Variants in MGAM2 observed in about 807,000 individuals in gnomAD.
MGAM2 encodes maltase-glucoamylase 2 (putative), also known as probable maltase-glucoamylase 2.
A neutral mutation model predicts 96.1 loss-of-function variants in MGAM2; 98 were observed. The observed-to-expected ratio is 1.02, with a 90% CI of 0.87 to 1.21. The LOEUF (loss-of-function observed/expected upper bound fraction) is 1.21, where lower values mean the gene tolerates loss of function less well. Ranked by LOEUF, MGAM2 falls within the 50% of genes most tolerant of loss-of-function variation. The pLI is 0.00. For missense variants in MGAM2, 2,055 were observed against 1,182.4 expected (o/e 1.74, Z -10.82); for synonymous variants, 749 against 414.8 (o/e 1.81, Z -9.79).
At position 142,172,165 on chromosome 7, in the gene MGAM2, G is replaced by C; in HGVS notation, c.3419G>C (p.Gly1140Ala). The C allele has an allele frequency of 1.4e-6, 1 of 721,742 alleles. No individual in the cohort carries two copies. Among genetic ancestry groups the C allele is most frequent in the Non-Finnish European group, 2.5e-6 (1 of 393,304 alleles). The allele number at this position is 721,742 out of a possible 1,614,324, so 44.7% of individuals were successfully genotyped here. A position where few individuals can be genotyped will look rare whatever the true frequency, so the allele number is the denominator to read the frequency against. ...MALEEDGSAH[G>A]VLLLNSNAMD... ...CTGGAGGAGGATGGTAGTGCCCATG[G>C]AGTGCTCCTGCTAAATAGCAATGCC... Residue 1140 changes from glycine to alanine, a missense_variant, in exon 29 of 48, where the codon GGA (glycine) becomes GCA (alanine). Coordinates refer to ENST00000477922, the MANE Select transcript of MGAM2 (RefSeq NM_001293626.2).
rs536943322 is a variant in MGAM2, at chr7:142,148,954, C to T, written c.1634+1381C>T. 2.0e-4 allele frequency among the ~76,000 whole-genome samples: 30 copies of T among 152,124 alleles called. No individual in the cohort carries two copies. The highest frequency in any genetic ancestry group is 1.6e-3 in the Admixed American group (25 of 15,278). On this transcript the variant is annotated intron_variant, in intron 15 of 47. Coordinates refer to ENST00000477922, the MANE Select transcript of MGAM2 (RefSeq NM_001293626.2). This position sits in a 1 kb window ranked among gnomAD's most constrained non-coding sequence, Gnocchi z 4.2. Reference sequence around the variant, plus strand: ...AAGATACTGCTCTGCTGGCTTGGTGCGGTGGCTTACGTCTGTAATCCAAGC... The same window carrying T: ...AAGATACTGCTCTGCTGGCTTGGTGTGGTGGCTTACGTCTGTAATCCAAGC...
chr7:142,154,564 T>A (rs751390459), intron 16 of MGAM2, among the ~76,000 whole-genome samples, 165 bp from the exon 17 acceptor site: 1 of 152,230 alleles, frequency 6.6e-6, no homozygotes, highest in Non-Finnish European at 1.5e-5. Flanking sequence ...ATGGATTCTA[T>A]CTTGTTTCTC....
chr7:142,152,070 A>G (rs1394224756), intron 15 of MGAM2, among the ~76,000 whole-genome samples: 1 of 152,206 alleles, frequency 6.6e-6, no homozygotes, highest in African/African-American at 2.4e-5. Flanking sequence ...TTCAGTGATC[A>G]CAACCTGATT....
intron 15 of MGAM2, among the ~76,000 whole-genome samples, chr7:142,153,549 C>A (rs1201098997): frequency 2.6e-5 from 4 of 152,144 alleles, no homozygotes; most frequent in Non-Finnish European, 5.9e-5. Flanking sequence ...GGTGTACCAG[C>A]TGGTGCATGA....
At chr7:142,191,600 C>A (rs761584925) in intron 37 of MGAM2, among the ~76,000 whole-genome samples, 61 of 151,930 alleles carry the variant, frequency 4.0e-4, no homozygotes, top group Non-Finnish European at 7.2e-4. Flanking sequence ...ATCTCTCTCT[C>A]TCTATATATA....
At chr7:142,197,264 G>A (rs1797072732) in intron 40 of MGAM2, 136 bp from the exon 41 acceptor site, 1 of 606,276 alleles carries the variant, frequency 1.6e-6, no homozygotes, top group Non-Finnish European at 2.9e-6. Flanking sequence ...AGAGATGGGG[G>A]AAAGGGTAGG....
chr7:142,165,134 A>G, intron 24 of MGAM2, 111 bp downstream of exon 24: 1 of 549,818 alleles, frequency 1.8e-6, no homozygotes, highest in East Asian at 3.0e-5. Context: ...ACTTGCTGGG[A>G]GGTCCAACAC....
chr7:142,181,122 A>G (rs1414145155), intron 32 of MGAM2, among the ~76,000 whole-genome samples: 1 of 152,136 alleles, frequency 6.6e-6, no homozygotes, highest in East Asian at 1.9e-4. Flanking sequence ...GACTTTTTGA[A>G]TTGCTAGGGT....
intron 3 of MGAM2, among the ~76,000 whole-genome samples, chr7:142,121,835 G>A (rs1794582586): frequency 6.6e-6 from 1 of 151,576 alleles, no homozygotes; most frequent in Non-Finnish European, 1.5e-5. Context: ...ATTTTTCTTT[G>A]TATTAATATT....
At chr7:142,200,211 A>T (rs572494365) in intron 45 of MGAM2, among the ~76,000 whole-genome samples, 1 of 152,266 alleles carries the variant, frequency 6.6e-6, no homozygotes, top group African/African-American at 2.4e-5. Context: ...GCCAGGGATG[A>T]TCTATCTCTG....
chr7:142,220,181 T>A lies in MGAM2; in HGVS notation c.5670T>A (p.Asn1890Lys). 2.8e-6 allele frequency: 2 copies of A among 702,930 alleles called. No homozygotes were observed. The highest frequency in any genetic ancestry group is 2.6e-6 in the Non-Finnish European group (1 of 384,940). The allele number at this position is 702,930 out of a possible 1,614,324, so 43.5% of individuals were successfully genotyped here. Residue 1890 changes from asparagine to lysine, a missense_variant, in exon 48 of 48, where the codon AAT (asparagine) becomes AAA (lysine). Coordinates refer to ENST00000477922, the MANE Select transcript of MGAM2 (RefSeq NM_001293626.2). ...CTCCTTTCCCTACAAGTACTACTAA[T>A]GCTAGCACTAATGCTACTGTTCCTA... is the stretch of plus-strand genomic sequence containing the variant. ...TTSPFPTSTT[N>K]ASTNATVPIT...
intron 46 of MGAM2, among the ~76,000 whole-genome samples, chr7:142,216,472 A>G (rs1055942417): frequency 1.3e-5 from 2 of 152,196 alleles, no homozygotes; most frequent in African/African-American, 4.8e-5. Context: ...CTTAAGAATA[A>G]GGGGCCTGAA....
In MGAM2 at chr7:142,158,003, A is replaced by G. The variant is rs1413275366; in HGVS notation, c.1990A>G (p.Ile664Val). 4.3e-6 allele frequency: 3 copies of G among 702,822 alleles called. No individual in the cohort carries two copies. Among genetic ancestry groups the G allele is most frequent in the Admixed American group, 4.0e-5 (2 of 49,978 alleles). The allele number at this position is 702,822 out of a possible 1,614,324, so 43.5% of individuals were successfully genotyped here. A position where few individuals can be genotyped will look rare whatever the true frequency, so the allele number is the denominator to read the frequency against. The stretch of plus-strand genomic sequence containing the variant: ...GAAATCCTCCAGACATTATCTGAAC[A>G]TCCGCTACACCTTGCTGCCCTATCT... ...LLKSSRHYLN[I>V]RYTLLPYLYT... The change falls in exon 18 of 48, where the codon ATC (isoleucine) becomes GTC (valine). Residue 664 changes from isoleucine to valine, a missense_variant. Transcript: ENST00000477922.
chr7:142,146,987 C>T lies in MGAM2; in HGVS notation c.1517-469C>T, dbSNP rs1055992369. On this transcript the variant is annotated intron_variant, in intron 14 of 47. Coordinates refer to ENST00000477922, the MANE Select transcript of MGAM2 (RefSeq NM_001293626.2). ...AGGTGATCCACCTGCCTCGGCCTCC[C>T]AAAGTGCTGGGATTACAGGTATGAG... Among the ~76,000 whole-genome samples, 6 of 152,132 alleles carry T rather than the reference C, an allele frequency of 3.9e-5. No individual in the cohort carries two copies. In the South Asian group the frequency reaches 6.2e-4, roughly 16 times the overall value.
intron 45 of MGAM2, among the ~76,000 whole-genome samples, chr7:142,205,525 T>C (rs1797378481): frequency 6.6e-6 from 1 of 152,092 alleles, no homozygotes; most frequent in Admixed American, 6.5e-5. Context: ...GCTGTAGTTT[T>C]TTGTGGTTTT....
intron 37 of MGAM2, among the ~76,000 whole-genome samples, 199 bp downstream of exon 37, chr7:142,189,704 A>G (rs549473150): frequency 1.3e-5 from 2 of 152,362 alleles, no homozygotes; most frequent in South Asian, 4.1e-4. Context: ...AAAGTGAGCA[A>G]TTAGGTAATG....
intron 34 of MGAM2, 124 bp from the exon 35 acceptor site, chr7:142,185,865 A>T: frequency 1.8e-6 from 1 of 549,310 alleles, no homozygotes; most frequent in East Asian, 2.8e-5. Context: ...ACTCTGCAAC[A>T]GCAGCAGATC....
chr7:142,213,283 A>T (rs1434247488), intron 46 of MGAM2, among the ~76,000 whole-genome samples: 1 of 152,242 alleles, frequency 6.6e-6, no homozygotes, highest in Admixed American at 6.5e-5. Flanking sequence ...AGGGCAAACA[A>T]GTTCAAAAGC....
intron 32 of MGAM2, among the ~76,000 whole-genome samples, chr7:142,181,119 T>A (rs1796526883): frequency 6.6e-6 from 1 of 152,212 alleles, no homozygotes; most frequent in Admixed American, 6.5e-5. Context: ...TCTGACTTTT[T>A]GAATTGCTAG....
Sources: gnomAD v4.1 joint callset for allele counts (sites outside exome capture counted in the v4.1 genomes callset) on GRCh38, gnomAD v4.1.1 for gene constraint, Gnocchi (gnomAD v3.1) non-coding constraint, MANE v1.5 for transcripts, NCBI Gene and HGNC (gene_info 2026-07-23, HGNC 2026-07-21) for gene names.